The following GUCA1C variants were observed in gnomAD, a reference collection of about 807,000 sequenced individuals.
The protein encoded by GUCA1C is guanylyl cyclase-activating protein 3.
Under a neutral mutation model 16.2 loss-of-function variants are expected in GUCA1C, and 15 were observed. That is an observed-to-expected ratio of 0.93 (90% CI 0.62 to 1.43). The LOEUF (loss-of-function observed/expected upper bound fraction) is 1.43, where lower values mean the gene tolerates loss of function less well. Ranked by LOEUF, GUCA1C falls within the 40% of genes most tolerant of loss-of-function variation. GUCA1C has a pLI of 0.00. For missense variants in GUCA1C, 275 were observed against 244.8 expected (o/e 1.12, Z -0.82); for synonymous variants, 78 against 85.4 (o/e 0.91, Z 0.48).
At chr3:108,920,683 C>T (rs1576546676) in intron 1 of GUCA1C, 98 bp from the exon 2 acceptor site, 2 of 649,092 alleles carry the variant, frequency 3.1e-6, no homozygotes, top group South Asian at 2.2e-5. Flanking sequence ...TTTAGTATAA[C>T]TTAAATCAAT....
At chr3:108,922,331 CT>C (rs984127134) in intron 1 of GUCA1C, among the ~76,000 whole-genome samples, 1 of 152,106 alleles carries the variant, frequency 6.6e-6, no homozygotes, top group Non-Finnish European at 1.5e-5. Context: ...CATATAATGA[CT>C]TCTTTTTCTC....
intron 1 of GUCA1C, among the ~76,000 whole-genome samples, chr3:108,947,568 G>A (rs997044168): frequency 4.6e-5 from 7 of 152,022 alleles, no homozygotes; most frequent in Non-Finnish European, 1.0e-4. Flanking sequence ...GTTATTTTTA[G>A]GTATGCTAAT....
At chr3:108,944,806 G>A (rs558270325) in intron 1 of GUCA1C, among the ~76,000 whole-genome samples, 47 of 152,300 alleles carry the variant, frequency 3.1e-4, no homozygotes, top group African/African-American at 7.0e-4. Flanking sequence ...ATAGGTGCCC[G>A]TTCTAGGGAA....
intron 1 of GUCA1C, among the ~76,000 whole-genome samples, chr3:108,947,010 GAGT>G (rs1412318287): frequency 1.3e-5 from 2 of 151,508 alleles, no homozygotes; most frequent in Non-Finnish European, 2.9e-5. Flanking sequence ...ATCACTAAAA[GAGT>G]AGATTTTAAA....
At chr3:108,946,860 T>C (rs1946848720) in intron 1 of GUCA1C, among the ~76,000 whole-genome samples, 1 of 147,728 alleles carries the variant, frequency 6.8e-6, no homozygotes, top group Non-Finnish European at 1.5e-5. Flanking sequence ...CATGAGCACC[T>C]TGTTTGGATC....
At chr3:108,922,390 T>C (rs924772861) in intron 1 of GUCA1C, among the ~76,000 whole-genome samples, 3 of 152,210 alleles carry the variant, frequency 2.0e-5, no homozygotes, top group Admixed American at 1.3e-4. Flanking sequence ...AGTAGGTCTA[T>C]GTTTAGTTTT....
chr3:108,950,227 G>C (rs986157041), intron 1 of GUCA1C, among the ~76,000 whole-genome samples: 1 of 152,050 alleles, frequency 6.6e-6, no homozygotes, highest in African/African-American at 2.4e-5. Context: ...GGATTTCCCT[G>C]TTTTTTTAAG....
At chr3:108,950,997 A>C (rs966078771) in intron 1 of GUCA1C, among the ~76,000 whole-genome samples, 1 of 152,168 alleles carries the variant, frequency 6.6e-6, no homozygotes, top group Admixed American at 6.5e-5. Flanking sequence ...CACTTTGAGG[A>C]GGTAGAAAAG....
intron 3 of GUCA1C, among the ~76,000 whole-genome samples, chr3:108,908,785 G>A (rs1458709252): frequency 6.6e-6 from 1 of 152,174 alleles, no homozygotes; most frequent in African/African-American, 2.4e-5. Flanking sequence ...GCCCACTGCT[G>A]TAAATTTATC....
At chr3:108,941,156 C>G (rs1300374609) in intron 1 of GUCA1C, among the ~76,000 whole-genome samples, 1 of 152,216 alleles carries the variant, frequency 6.6e-6, no homozygotes, top group East Asian at 1.9e-4. Flanking sequence ...ATCACATCCA[C>G]TGTAATAATC....
At chr3:108,921,487 T>A (rs887638527) in intron 1 of GUCA1C, among the ~76,000 whole-genome samples, 1 of 152,048 alleles carries the variant, frequency 6.6e-6, no homozygotes, top group Admixed American at 6.6e-5. Context: ...TATGTAGGAG[T>A]ATGTTTAGTT....
At chr3:108,920,716 T>C in intron 1 of GUCA1C, 131 bp from the exon 2 acceptor site, 1 of 568,396 alleles carries the variant, frequency 1.8e-6, no homozygotes, top group Non-Finnish European at 3.1e-6. Context: ...AGCATAAAAC[T>C]TTTCCCTAGT....
intron 1 of GUCA1C, among the ~76,000 whole-genome samples, chr3:108,943,626 C>T (rs1407754671): frequency 2.6e-5 from 4 of 152,046 alleles, no homozygotes; most frequent in Admixed American, 2.0e-4. Context: ...TGGAGAGTGG[C>T]GGGAGAGCCC....
chr3:108,918,917 A>C (rs1488928880), intron 2 of GUCA1C, among the ~76,000 whole-genome samples: 1 of 152,114 alleles, frequency 6.6e-6, no homozygotes, highest in Non-Finnish European at 1.5e-5. Context: ...TTGCTATCTT[A>C]AGAGATTCTG....
intron 1 of GUCA1C, among the ~76,000 whole-genome samples, chr3:108,952,629 A>C (rs1205527375): frequency 2.0e-5 from 3 of 151,532 alleles, no homozygotes; most frequent in South Asian, 2.1e-4. Context: ...ATCCTATCAA[A>C]CAACCAGTTT....
chr3:108,930,207 G>A (rs1411858225), intron 1 of GUCA1C, among the ~76,000 whole-genome samples: 4 of 152,214 alleles, frequency 2.6e-5, no homozygotes, highest in Non-Finnish European at 5.9e-5. Flanking sequence ...AAAACATGCT[G>A]CAGGCTGTAG....
chr3:108,947,365 A>C (rs1344839040), intron 1 of GUCA1C, among the ~76,000 whole-genome samples: 1 of 152,128 alleles, frequency 6.6e-6, no homozygotes, highest in Non-Finnish European at 1.5e-5. Flanking sequence ...GAGGAAGAGG[A>C]GGGGTTGGTT....
upstream of GUCA1C, among the ~76,000 whole-genome samples, chr3:108,954,946 C>A (rs1946933929): frequency 6.6e-6 from 1 of 152,062 alleles, no homozygotes. Context: ...CCGTGTTAGC[C>A]AGGATGGTCT....
chr3:108,911,856 T>C (rs1207046177), intron 3 of GUCA1C, among the ~76,000 whole-genome samples: 2 of 152,032 alleles, frequency 1.3e-5, no homozygotes, highest in African/African-American at 4.8e-5. Flanking sequence ...CTGTAATCCC[T>C]GAACTTTGGG....
Sources: allele counts gnomAD v4.1 joint callset (sites outside exome capture counted in the v4.1 genomes callset), GRCh38; gene constraint gnomAD v4.1.1; transcripts MANE v1.5; gene names NCBI Gene and HGNC (gene_info 2026-07-23, HGNC 2026-07-21).